TENM2: variants seen among roughly 807,000 people sequenced by gnomAD.
TENM2 encodes the protein teneurin transmembrane protein 2, also known as teneurin-2.
TENM2 carries 52 observed loss-of-function variants against 245.2 expected under a neutral mutation model. That is an observed-to-expected ratio of 0.21 (90% CI 0.17 to 0.27). The LOEUF (loss-of-function observed/expected upper bound fraction) is 0.27, where lower values mean the gene tolerates loss of function less well. Ranked by LOEUF, TENM2 falls within the 10% of genes least tolerant of loss-of-function variation. The probability of loss-of-function intolerance (pLI) is 1.00; values close to 1 mark genes in which losing one functional copy is unlikely to be tolerated. For missense variants in TENM2, 3,046 were observed against 3,666.8 expected, an observed-to-expected ratio of 0.83 and a Z score of 4.37; for synonymous variants, 1,363 against 1,438.9, an observed-to-expected ratio of 0.95 and a Z score of 1.19.
At chr5:167,939,521 A>G (rs1779002009) in intron 3 of TENM2, among the ~76,000 whole-genome samples, 1 of 152,216 alleles carries the variant, frequency 6.6e-6, no homozygotes, top group South Asian at 2.1e-4. Flanking sequence ...TGTATAAATC[A>G]GAGAAGCTTA....
rs554855392 is a variant in TENM2, at chr5:167,439,132, A to T, written c.502+63659A>T. Among the ~76,000 whole-genome samples the T allele has an allele frequency of 2.7e-4, 41 of 152,292 alleles. No individual in the cohort carries two copies. The East Asian group carries it at 7.7e-3, about 29-fold the overall frequency. ...ACATATGCCATGTGAGAGAGTTGGT[A>T]TTGAGTTTTTCAAAGGAGGCAGAGG... On this transcript the variant is annotated intron_variant, in intron 2 of 28. Transcript: ENST00000518659.
chr5:167,780,278 T>A (rs1471320038), intron 2 of TENM2, among the ~76,000 whole-genome samples: 1 of 152,204 alleles, frequency 6.6e-6, no homozygotes, highest in Non-Finnish European at 1.5e-5. Context: ...CTTAAATTTA[T>A]TTGTAACCTG....
chr5:167,761,738 C>T (rs1762683693), intron 2 of TENM2, among the ~76,000 whole-genome samples: 1 of 152,138 alleles, frequency 6.6e-6, no homozygotes, highest in African/African-American at 2.4e-5. Context: ...ATCCCCAGGC[C>T]CTCCAAGGGA....
the TENM2 span, among the ~76,000 whole-genome samples, chr5:167,209,587 T>C: frequency 6.6e-6 from 1 of 152,220 alleles, no homozygotes; most frequent in Non-Finnish European, 1.5e-5. Context: ...TCAACTTATA[T>C]TGACTGCTTA....
intron 5 of TENM2, among the ~76,000 whole-genome samples, chr5:168,015,902 C>T (rs554222676): frequency 2.4e-4 from 36 of 152,142 alleles, no homozygotes; most frequent in Non-Finnish European, 4.7e-4. Context: ...AGAATTGTCC[C>T]CATTTGGCAG....
At chr5:167,955,635 A>C (rs1780491017) in intron 4 of TENM2, among the ~76,000 whole-genome samples, 1 of 152,066 alleles carries the variant, frequency 6.6e-6, no homozygotes, top group Non-Finnish European at 1.5e-5. Flanking sequence ...ATCTTGAGTT[A>C]ATTTTTGTAT....
intron 9 of TENM2, among the ~76,000 whole-genome samples, chr5:168,108,952 C>T (rs1794462572): frequency 6.6e-6 from 1 of 152,178 alleles, no homozygotes; most frequent in Non-Finnish European, 1.5e-5. Context: ...CTTCTCTCTC[C>T]ATGAAGGAGG....
intron 9 of TENM2, among the ~76,000 whole-genome samples, chr5:168,108,465 A>T (rs1794425847): frequency 6.6e-6 from 1 of 152,226 alleles, no homozygotes; most frequent in Non-Finnish European, 1.5e-5. Context: ...CATTGCTGTG[A>T]GGTCCAAAAA....
chr5:167,380,606 G>A (rs1761042126), intron 2 of TENM2, among the ~76,000 whole-genome samples: 1 of 152,032 alleles, frequency 6.6e-6, no homozygotes, highest in Non-Finnish European at 1.5e-5. Context: ...TCAAGGAATG[G>A]CTCCATTCAA....
At chr5:167,306,771 C>T (rs976037280) in intron 1 of TENM2, among the ~76,000 whole-genome samples, 3 of 152,202 alleles carry the variant, frequency 2.0e-5, no homozygotes, top group African/African-American at 7.2e-5. Flanking sequence ...AATTCTGTAA[C>T]ACCATAATAC....
At chr5:167,603,159 A>G (rs752121189) in intron 2 of TENM2, among the ~76,000 whole-genome samples, 11 of 152,132 alleles carry the variant, frequency 7.2e-5, no homozygotes, top group Non-Finnish European at 1.3e-4. Context: ...AAGCACCTGG[A>G]ATGTCATTTG....
intron 25 of TENM2, chr5:168,229,574 A>AAGTC (rs1764643258): frequency 6.6e-6 from 1 of 152,024 alleles, no homozygotes; most frequent in East Asian, 1.9e-4. Context: ...AAGCACTAGG[A>AAGTC]AGTCAGTAAA....
chr5:167,123,143 CA>C, the TENM2 span, among the ~76,000 whole-genome samples: 4,261 of 102,720 alleles, frequency 0.041, 123 homozygotes, highest in African/African-American at 0.1. Context: ...ACTAAAAATA[CA>C]AAAAAAAAAA....
At chr5:167,522,530 A>G (rs1381997135) in intron 2 of TENM2, among the ~76,000 whole-genome samples, 1 of 152,018 alleles carries the variant, frequency 6.6e-6, no homozygotes. Flanking sequence ...TGAGGGCTAT[A>G]GAGTATTCAA....
At chr5:168,020,172 C>A (rs999606314) in intron 5 of TENM2, among the ~76,000 whole-genome samples, 2 of 152,084 alleles carry the variant, frequency 1.3e-5, no homozygotes, top group Admixed American at 1.3e-4. Flanking sequence ...TCATTTAGAC[C>A]TCCCCCGACC....
chr5:168,054,186 AT>A (rs1250689325), intron 6 of TENM2, among the ~76,000 whole-genome samples: 10 of 152,212 alleles, frequency 6.6e-5, no homozygotes, highest in Non-Finnish European at 1.2e-4. Context: ...GAGCTGAAAC[AT>A]TTTCTAAAAG....
chr5:167,008,940 T>C, the TENM2 span, among the ~76,000 whole-genome samples: 1 of 152,188 alleles, frequency 6.6e-6, no homozygotes, highest in Non-Finnish European at 1.5e-5. Flanking sequence ...TCCTGCAGAA[T>C]GTCCCACTTA....
At chr5:168,120,502 A>T (rs1483546313) in intron 10 of TENM2, among the ~76,000 whole-genome samples, 1 of 152,154 alleles carries the variant, frequency 6.6e-6, no homozygotes, top group Non-Finnish European at 1.5e-5. Flanking sequence ...CAGTCTTCGA[A>T]TTTTTTCTCT....
chr5:167,515,462 T>A (rs1460146656), intron 2 of TENM2, among the ~76,000 whole-genome samples: 2 of 151,574 alleles, frequency 1.3e-5, no homozygotes, highest in African/African-American at 4.8e-5. Flanking sequence ...GAAATGTAGA[T>A]CACCTTTTCA....
Sources: allele counts gnomAD v4.1 joint callset (sites outside exome capture counted in the v4.1 genomes callset), GRCh38; gene constraint gnomAD v4.1.1; transcripts MANE v1.5; gene names NCBI Gene and HGNC (gene_info 2026-07-23, HGNC 2026-07-21).